FAM131C: variants seen among roughly 807,000 people sequenced by gnomAD.
FAM131C encodes the protein family with sequence similarity 131 member C.
In FAM131C, 14 loss-of-function variants were observed where a neutral mutation model predicts 29.8. The ratio of observed to expected loss-of-function variants is 0.47; its 90% CI spans 0.31 to 0.73. FAM131C has a LOEUF of 0.73. Among genes scored for constraint, FAM131C ranks in the 30% least tolerant of loss-of-function variants. FAM131C has a pLI of 0.05. For synonymous variants in FAM131C, 86 were observed against 157.8 expected (o/e 0.54, Z 3.41); for missense variants, 252 against 383.8 (o/e 0.66, Z 2.87).
chr1:16,067,453 C>A (rs964042237), intron 1 of FAM131C, among the ~76,000 whole-genome samples: 2 of 152,178 alleles, frequency 1.3e-5, no homozygotes, highest in African/African-American at 4.8e-5. Context: ...CAGTCCACAC[C>A]CTAGTCTCCT....
intron 2 of FAM131C, 52 bp downstream of exon 2, chr1:16,063,469 C>G (rs1331828673): frequency 2.9e-6 from 4 of 1,398,900 alleles, no homozygotes; most frequent in Non-Finnish European, 4.1e-6. Context: ...GGGGAGGAGA[C>G]AGGCCGGGAA....
Position 16,059,522 on chromosome 1 carries a change from G to C in FAM131C, c.534C>G (p.Asn178Lys). The C allele has an allele frequency of 3.7e-6, 6 of 1,609,980 alleles. No homozygotes were observed. The highest frequency in any genetic ancestry group is 4.2e-6 in the Non-Finnish European group (5 of 1,178,320). Residue 178 changes from asparagine (N) to lysine (K), a missense_variant, in exon 6 of 7, where the codon AAC becomes AAG. This residue lies in a region of FAM131C where 33 missense variants were observed against 54.0 expected (regional missense o/e 0.61). Transcript: ENST00000375662. ...SLDEEELHPE[N>K]SPQGIVQLQD... ...GGAGCTGGACGATGCCTTGGGGGCT[G>C]TTCTCGGGGTGCAGCTCCTCTTCGT...
intron 1 of FAM131C, among the ~76,000 whole-genome samples, chr1:16,066,886 C>A (rs962758656): frequency 6.6e-5 from 10 of 152,238 alleles, no homozygotes; most frequent in African/African-American, 2.4e-4. Flanking sequence ...CGCCAAGGTG[C>A]AGACAGGTGG....
intron 1 of FAM131C, among the ~76,000 whole-genome samples, chr1:16,064,214 C>T (rs182041525): frequency 1.5e-4 from 23 of 152,268 alleles, no homozygotes; most frequent in African/African-American, 5.3e-4. Flanking sequence ...TTCACCCCAT[C>T]CTTCCTTCTC....
rs537897090 is a variant in FAM131C at position 16,061,997 on chromosome 1, G to T, written c.268+102C>A. On this transcript the variant is annotated intron_variant, in intron 4 of 6. Coordinates refer to ENST00000375662, the MANE Select transcript of FAM131C (RefSeq NM_182623.3). ...AGAACATGGAGAATCCAATAGGGCT[G>T]CCATCCTCCCACCTGCAACTCAGCC... 1.2e-4 allele frequency: 130 copies of T among 1,059,274 alleles called. No homozygotes were observed. In the African/African-American group the frequency reaches 1.7e-3, roughly 14 times the overall value. The allele number at this position is 1,059,274 out of a possible 1,614,324, so 65.6% of individuals were successfully genotyped here. A position where few individuals can be genotyped will look rare whatever the true frequency, so the allele number is the denominator to read the frequency against.
chr1:16,065,519 T>C (rs1429096936), intron 1 of FAM131C, among the ~76,000 whole-genome samples: 1 of 152,214 alleles, frequency 6.6e-6, no homozygotes, highest in African/African-American at 2.4e-5. Context: ...TCCTTTCTCC[T>C]GTTTTTGCCC....
intron 1 of FAM131C, among the ~76,000 whole-genome samples, chr1:16,072,983 A>T (rs1487106112): frequency 6.7e-6 from 1 of 149,224 alleles, no homozygotes; most frequent in Admixed American, 6.6e-5. Context: ...ACCCGGTAAG[A>T]CGTGGGAAGG....
At chr1:16,066,289 G>A (rs1436922215) in intron 1 of FAM131C, among the ~76,000 whole-genome samples, 1 of 152,244 alleles carries the variant, frequency 6.6e-6, no homozygotes, top group African/African-American at 2.4e-5. Context: ...TAGTCAAGGA[G>A]GCTGGAGGCA....
chr1:16,072,881 G>T (rs2023767211), intron 1 of FAM131C, among the ~76,000 whole-genome samples: 1 of 152,122 alleles, frequency 6.6e-6, no homozygotes, highest in African/African-American at 2.4e-5. Context: ...GTGGGGAGGA[G>T]GATTAGGGGG....
chr1:16,065,032 C>A (rs1282385682), intron 1 of FAM131C, among the ~76,000 whole-genome samples: 4 of 152,192 alleles, frequency 2.6e-5, no homozygotes, highest in Admixed American at 6.5e-5. Flanking sequence ...CTTCTCCACC[C>A]TCTCTCCCCA....
Position 16,059,889 on chromosome 1 carries a change from C to T in FAM131C, c.431G>A (p.Arg144His), listed in dbSNP as rs559136201. 1.5e-4 allele frequency: 187 copies of T among 1,272,122 alleles called. No homozygotes were observed. Among genetic ancestry groups the T allele is most frequent in the Middle Eastern group, 2.8e-4 (1 of 3,516 alleles). The allele number at this position is 1,272,122 out of a possible 1,614,324, so 78.8% of individuals were successfully genotyped here. Residue 144 changes from arginine (R) to histidine (H), a missense_variant, in exon 5 of 7, where the codon CGT (arginine) becomes CAT (histidine). Coordinates refer to ENST00000375662, the MANE Select transcript of FAM131C (RefSeq NM_182623.3). ...CTGACCTGCAGCAAAGCGGGCCTCA[C>T]GCAGCTCATCCGGGAGGCAGCAGTA... Reference protein sequence around the residue: ...EHYCCLPDELREARFAAGVAE... With the variant: ...EHYCCLPDELHEARFAAGVAE...
At chr1:16,068,090 C>T (rs910098633) in intron 1 of FAM131C, among the ~76,000 whole-genome samples, 11 of 152,372 alleles carry the variant, frequency 7.2e-5, no homozygotes, top group Middle Eastern at 3.4e-3. Context: ...CTCTGCTCAG[C>T]TTCTCAGGGC....
intron 1 of FAM131C, among the ~76,000 whole-genome samples, chr1:16,066,721 G>A (rs2023687872): frequency 6.6e-6 from 1 of 152,246 alleles, no homozygotes; most frequent in South Asian, 2.1e-4. Context: ...CTGTGCAGAT[G>A]TGTGTGCACA....
At chr1:16,058,747 G>A (rs1356013267) in intron 6 of FAM131C, 30 bp from the exon 7 acceptor site, 1 of 1,488,174 alleles carries the variant, frequency 6.7e-7, no homozygotes, top group Non-Finnish European at 9.1e-7. Flanking sequence ...ATGGGGGAAT[G>A]GCGTCCCAGA....
chr1:16,064,958 G>A (rs563643791), intron 1 of FAM131C, among the ~76,000 whole-genome samples: 2 of 152,278 alleles, frequency 1.3e-5, no homozygotes, highest in South Asian at 4.1e-4. Context: ...GCTGTCCTGG[G>A]TCCCCTCTTT....
chr1:16,062,238 G>A (rs567577240), intron 3 of FAM131C, 46 bp from the exon 4 acceptor site: 24 of 1,582,440 alleles, frequency 1.5e-5, no homozygotes, highest in Admixed American at 8.6e-5. Context: ...CCAGGCTGCC[G>A]GCCGACATCC....
intron 3 of FAM131C, 111 bp downstream of exon 3, chr1:16,062,388 C>CCCCG: frequency 8.1e-7 from 1 of 1,227,746 alleles, no homozygotes; most frequent in Non-Finnish European, 1.1e-6. Context: ...AGGCCCCCCC[C>CCCCG]CCCCCCGCCC....
In FAM131C at chr1:16,068,393, C is replaced by T. The variant is rs11804371; in HGVS notation, c.23-4757G>A. Among the ~76,000 whole-genome samples, 877 of 152,338 alleles carry T rather than the reference C, an allele frequency of 5.8e-3. 7 individuals are homozygous for T. Among genetic ancestry groups the T allele is most frequent in the African/African-American group, 0.019 (770 of 41,584 alleles). ...CAGCAAGCAGTCCGTAAGCAGCAGC[C>T]GCTCCACCCCTCTCCCCTCAGTGTC... On this transcript the variant is annotated intron_variant, in intron 1 of 6. Coordinates refer to ENST00000375662, the MANE Select transcript of FAM131C (RefSeq NM_182623.3).
chr1:16,059,174 G>C (rs2023547535), intron 6 of FAM131C, among the ~76,000 whole-genome samples: 1 of 150,576 alleles, frequency 6.6e-6, no homozygotes, highest in African/African-American at 2.4e-5. Context: ...GAGTGCCTCT[G>C]TTTCCTTATT....
Sources: gnomAD v4.1 joint callset for allele counts (sites outside exome capture counted in the v4.1 genomes callset) on GRCh38, gnomAD v4.1.1 for gene constraint, gnomAD v4.1.1 regional missense constraint, MANE v1.5 for transcripts, NCBI Gene and HGNC (gene_info 2026-07-23, HGNC 2026-07-21) for gene names.